Variants in SLC35F2 observed in about 807,000 individuals in gnomAD.
SLC35F2 encodes the protein solute carrier family 35 member F2.
SLC35F2 carries 25 observed loss-of-function variants against 38.1 expected under a neutral mutation model. The observed-to-expected ratio is 0.66, with a 90% CI of 0.48 to 0.92. SLC35F2 has a LOEUF of 0.92. Among genes scored for constraint, SLC35F2 ranks in the 40% least tolerant of loss-of-function variants. SLC35F2 has a pLI of 0.00. For missense variants in SLC35F2, 409 were observed against 452.9 expected (o/e 0.90, Z 0.88); for synonymous variants, 173 against 181.7 (o/e 0.95, Z 0.38).
chr11:107,802,964 G>A, intron 7 of SLC35F2, 37 bp downstream of exon 7: 14 of 1,544,688 alleles, frequency 9.1e-6, no homozygotes, highest in Non-Finnish European at 1.2e-5. Context: ...TTGGATCCAA[G>A]CAAGTATTCT....
At chr11:107,805,204 A>G (rs905096925) in intron 5 of SLC35F2, 155 bp downstream of exon 5, 6 of 972,772 alleles carry the variant, frequency 6.2e-6, no homozygotes, top group Non-Finnish European at 6.1e-6. Context: ...ACACTCAGCA[A>G]GTTATTAGGT....
intron 7 of SLC35F2, among the ~76,000 whole-genome samples, chr11:107,798,654 G>A (rs1714177528): frequency 6.6e-6 from 1 of 152,170 alleles, no homozygotes; most frequent in East Asian, 1.9e-4. Flanking sequence ...GTGCTTAAGG[G>A]ACACGGATGA....
chr11:107,852,713 A>C (rs1253243254), intron 1 of SLC35F2, among the ~76,000 whole-genome samples: 1 of 151,890 alleles, frequency 6.6e-6, no homozygotes, highest in African/African-American at 2.4e-5. Flanking sequence ...CTCTACAAAA[A>C]ATACAAAAAT....
intron 1 of SLC35F2, among the ~76,000 whole-genome samples, chr11:107,820,851 G>A (rs1405783240): frequency 1.3e-5 from 2 of 152,138 alleles, no homozygotes; most frequent in Non-Finnish European, 2.9e-5. Context: ...AGCTACTTGG[G>A]AGGCTGAGAC....
chr11:107,798,815 C>T (rs574470974), intron 7 of SLC35F2, among the ~76,000 whole-genome samples: 1 of 152,300 alleles, frequency 6.6e-6, no homozygotes, highest in African/African-American at 2.4e-5. Context: ...TGGCTCATGC[C>T]CTGTGGTCCC....
chr11:107,800,059 T>A, intron 7 of SLC35F2, among the ~76,000 whole-genome samples: 1 of 148,544 alleles, frequency 6.7e-6, no homozygotes, highest in Non-Finnish European at 1.5e-5. Context: ...CGGCTAATTT[T>A]TTGTATTTTT....
At chr11:107,824,978 T>C (rs587130) in intron 1 of SLC35F2, among the ~76,000 whole-genome samples, 54,915 of 152,050 alleles carry the variant, frequency 0.36, 10,079 homozygotes, top group South Asian at 0.47. Context: ...GAATGAGGAA[T>C]TGAATGTTTA....
chr11:107,843,854 AAAAAAAAAAAAAAAATATATATATATAT>A (rs1860051615), intron 1 of SLC35F2, among the ~76,000 whole-genome samples: 2 of 31,346 alleles, frequency 6.4e-5, no homozygotes, highest in African/African-American at 2.8e-4. Context: ...CTTAAAAAAA[AAAAAAAAAAAAAAAATATATATATATAT>A]ATATATATAT....
intron 7 of SLC35F2, among the ~76,000 whole-genome samples, chr11:107,801,907 C>T (rs577746669): frequency 1.3e-5 from 2 of 152,260 alleles, no homozygotes; most frequent in Admixed American, 6.5e-5. Context: ...CACTGAGCTA[C>T]ACATCACCTC....
chr11:107,807,797 A>T (rs1859422084), intron 3 of SLC35F2, among the ~76,000 whole-genome samples: 1 of 151,564 alleles, frequency 6.6e-6, no homozygotes, highest in African/African-American at 2.4e-5. Context: ...CTGGTCTCGA[A>T]CTCCTGATGT....
At chr11:107,821,990 C>T (rs995504578) in intron 1 of SLC35F2, among the ~76,000 whole-genome samples, 1 of 152,204 alleles carries the variant, frequency 6.6e-6, no homozygotes, top group Non-Finnish European at 1.5e-5. Flanking sequence ...GTAATCCCAG[C>T]ACTTTGGGAG....
chr11:107,807,005 C>T lies in SLC35F2; in HGVS notation c.415-129G>A, dbSNP rs1370244697. 4 of 771,746 alleles carry T rather than the reference C, an allele frequency of 5.2e-6. No individual in the cohort carries two copies. In the African/African-American group the frequency reaches 7.0e-5, roughly 14 times the overall value. The allele number at this position is 771,746 out of a possible 1,614,324, so 47.8% of individuals were successfully genotyped here. A position where few individuals can be genotyped will look rare whatever the true frequency, so the allele number is the denominator to read the frequency against. On this transcript the variant is annotated intron_variant, in intron 3 of 7. Coordinates refer to ENST00000525815, the MANE Select transcript of SLC35F2 (RefSeq NM_017515.5). ...TTATTGAGCATTTATTATTGCCAGC[C>T]CTGTACTAAGAGCTTTACCTGGATT... is the stretch of plus-strand genomic sequence containing the variant.
chr11:107,810,295 T>G lies in SLC35F2; in HGVS notation c.414+1372A>C, dbSNP rs138014295. Reference sequence around the variant, plus strand: ...GTGAAAGAAATTGTTTTCAATTTCTTTGAAATTGAAAGAAGGCATGAACTT... The same window carrying G: ...GTGAAAGAAATTGTTTTCAATTTCTGTGAAATTGAAAGAAGGCATGAACTT... On this transcript the variant is annotated intron_variant, in intron 3 of 7. Coordinates refer to ENST00000525815, the MANE Select transcript of SLC35F2 (RefSeq NM_017515.5). 7 of 985,282 alleles carry G rather than the reference T, an allele frequency of 7.1e-6. No homozygotes were observed. In the African/African-American group the frequency reaches 8.7e-5, roughly 12 times the overall value. 61.0% of individuals were successfully genotyped at this position (985,282 alleles called of 1,614,324 possible).
Position 107,811,745 on chromosome 11 carries a change from G to A in SLC35F2, c.336C>T (p.Ile112=). The part of the protein sequence containing the change: ...VILKRKWWKY[I]LLGLADVEAN... ...CTTCCACATCTGCTAGTCCCAGCAG[G>A]ATGTACTTCCACCATTTTCTTTTCA... The change falls in exon 3 of 8, where the codon ATC becomes ATT. Residue 112 remains isoleucine (I), a synonymous_variant. Transcript: ENST00000525815. 6.2e-7 allele frequency: 1 copy of A among 1,613,592 alleles called. No individual in the cohort carries two copies. Among genetic ancestry groups the A allele is most frequent in the Non-Finnish European group, 8.5e-7 (1 of 1,179,528 alleles).
chr11:107,830,440 T>A (rs563244606), intron 1 of SLC35F2, among the ~76,000 whole-genome samples: 1 of 151,874 alleles, frequency 6.6e-6, no homozygotes, highest in African/African-American at 2.4e-5. Flanking sequence ...AAAAATTAGC[T>A]GGGCATGGTG....
chr11:107,800,941 G>A (rs1207848806), intron 7 of SLC35F2, among the ~76,000 whole-genome samples: 1 of 130,994 alleles, frequency 7.6e-6, no homozygotes, highest in Non-Finnish European at 1.5e-5. Flanking sequence ...GGAGTTGCTC[G>A]TTACCCAGGC....
chr11:107,839,196 C>CCCA (rs1591205460), intron 1 of SLC35F2, among the ~76,000 whole-genome samples: 1 of 152,184 alleles, frequency 6.6e-6, no homozygotes, highest in East Asian at 1.9e-4. Flanking sequence ...CGCAGTGACT[C>CCCA]ACTCCTGTAT....
At chr11:107,808,171 C>T (rs894377875) in intron 3 of SLC35F2, among the ~76,000 whole-genome samples, 3 of 152,176 alleles carry the variant, frequency 2.0e-5, no homozygotes, top group Non-Finnish European at 4.4e-5. Flanking sequence ...CCAACCCCAC[C>T]ATGTGAGACA....
chr11:107,824,310 T>G lies in SLC35F2; in HGVS notation c.111-8345A>C, dbSNP rs117301563. Among the ~76,000 whole-genome samples the G allele has an allele frequency of 1.2e-4, 18 of 152,320 alleles. No homozygotes were observed. The East Asian group carries it at 3.3e-3, about 28-fold the overall frequency. ...ATGTTTATTAACAAAAAATGCACTA[T>G]TATGAAGATGGCATCATGTTAAAAT... is the stretch of plus-strand genomic sequence containing the variant. On this transcript the variant is annotated intron_variant, in intron 1 of 7. Coordinates refer to ENST00000525815, the MANE Select transcript of SLC35F2 (RefSeq NM_017515.5).
Sources: allele counts gnomAD v4.1 joint callset (sites outside exome capture counted in the v4.1 genomes callset), GRCh38; gene constraint gnomAD v4.1.1; transcripts MANE v1.5; gene names NCBI Gene and HGNC (gene_info 2026-07-23, HGNC 2026-07-21).